The following DPYD variants were observed in gnomAD, a reference collection of about 807,000 sequenced individuals.
DPYD encodes the protein dihydropyrimidine dehydrogenase [NADP(+)].
A neutral mutation model predicts 116.2 loss-of-function variants in DPYD; 109 were observed. The ratio of observed to expected loss-of-function variants is 0.94; its 90% CI spans 0.80 to 1.10. The LOEUF (loss-of-function observed/expected upper bound fraction) is 1.10, where lower values mean the gene tolerates loss of function less well. Among genes scored for constraint, DPYD ranks in the 50% least tolerant of loss-of-function variants. The probability of loss-of-function intolerance (pLI) is 0.00; values close to 1 mark genes in which losing one functional copy is unlikely to be tolerated. For synonymous variants in DPYD, 440 were observed against 432.0 expected (o/e 1.02, Z -0.23); for missense variants, 1,302 against 1,254.5 (o/e 1.04, Z -0.57).
chr1:97,365,117 C>T (rs372337644), intron 16 of DPYD, among the ~76,000 whole-genome samples: 1 of 152,164 alleles, frequency 6.6e-6, no homozygotes, highest in Non-Finnish European at 1.5e-5. Flanking sequence ...TACTCTCAGC[C>T]GCTGAGTACT....
intron 8 of DPYD, among the ~76,000 whole-genome samples, chr1:97,612,798 A>C (rs1244908557): frequency 6.6e-6 from 1 of 151,962 alleles, no homozygotes; most frequent in Non-Finnish European, 1.5e-5. Context: ...CTCATCCTCT[A>C]TGCTGCCCCC....
intron 2 of DPYD, among the ~76,000 whole-genome samples, chr1:97,843,472 A>AC (rs985935942): frequency 1.6e-4 from 25 of 152,324 alleles, no homozygotes; most frequent in African/African-American, 4.3e-4. Flanking sequence ...CAAAGCCATC[A>AC]TCTATGGAGC....
chr1:97,723,798 A>G (rs189551992), intron 4 of DPYD, among the ~76,000 whole-genome samples: 48 of 151,806 alleles, frequency 3.2e-4, no homozygotes, highest in Admixed American at 2.0e-3. Context: ...CACACAGAGA[A>G]GAAAAATGTG....
At chr1:97,150,431 G>C (rs899778340) in intron 20 of DPYD, among the ~76,000 whole-genome samples, 10 of 152,100 alleles carry the variant, frequency 6.6e-5, no homozygotes, top group Non-Finnish European at 1.2e-4. Context: ...ATAAATGAAT[G>C]AATGAAAGCA....
intron 19 of DPYD, among the ~76,000 whole-genome samples, chr1:97,204,003 A>T (rs1303266319): frequency 6.6e-6 from 1 of 152,082 alleles, no homozygotes; most frequent in African/African-American, 2.4e-5. Flanking sequence ...ATTTTGACTG[A>T]GTTGCCAATA....
intron 4 of DPYD, among the ~76,000 whole-genome samples, chr1:97,724,269 G>C (rs887854736): frequency 9.1e-6 from 1 of 109,902 alleles, no homozygotes; most frequent in Non-Finnish European, 1.9e-5. Context: ...GTTCTCCAGA[G>C]ACACAGAAAG....
rs143154602 is a variant in DPYD, at chr1:97,593,289, G to A, written c.1057C>T (p.Arg353Cys). 5.0e-6 allele frequency: 8 copies of A among 1,613,958 alleles called. No homozygotes were observed. The highest frequency in any genetic ancestry group is 4.5e-5 in the East Asian group (2 of 44,878). Residue 353 changes from arginine to cysteine, a missense_variant, in exon 10 of 23, where the codon CGT becomes TGT. Arg to Cys is a radical substitution (Grantham distance 180, BLOSUM62 -3). Coordinates refer to ENST00000370192, the MANE Select transcript of DPYD (RefSeq NM_000110.4). ...ATGAACACACGGCGAGCTCCACAAC[G>A]TAGAGCAGATGTTGCACAGTCAAAG... ...TAFDCATSAL[R>C]CGARRVFIVF...
intron 1 of DPYD, among the ~76,000 whole-genome samples, chr1:97,886,658 A>G (rs1055108875): frequency 2.6e-5 from 4 of 152,188 alleles, no homozygotes; most frequent in Non-Finnish European, 4.4e-5. Flanking sequence ...GACACAAGCC[A>G]TAAGAACAGA....
chr1:97,749,638 T>C (rs1390059488), intron 3 of DPYD, among the ~76,000 whole-genome samples: 2 of 152,206 alleles, frequency 1.3e-5, no homozygotes. Flanking sequence ...ATGCATTTAG[T>C]TAACACGTAG....
chr1:97,485,605 C>T (rs754143575), intron 13 of DPYD, among the ~76,000 whole-genome samples: 1 of 150,960 alleles, frequency 6.6e-6, no homozygotes, highest in African/African-American at 2.4e-5. Context: ...TTCTCTTCAG[C>T]TATTTAATCA....
At chr1:97,188,540 A>C (rs1658153020) in intron 20 of DPYD, among the ~76,000 whole-genome samples, 1 of 152,178 alleles carries the variant, frequency 6.6e-6, no homozygotes, top group South Asian at 2.1e-4. Flanking sequence ...GCAGCACTGG[A>C]CAAGAAGATA....
chr1:97,231,371 A>C (rs918236608), intron 19 of DPYD, among the ~76,000 whole-genome samples: 18 of 152,148 alleles, frequency 1.2e-4, no homozygotes, highest in Non-Finnish European at 1.5e-4. Flanking sequence ...CACACCTAAG[A>C]CTGGGTAATT....
intron 8 of DPYD, among the ~76,000 whole-genome samples, chr1:97,636,061 T>C (rs1173349672): frequency 3.3e-5 from 5 of 152,084 alleles, no homozygotes; most frequent in Admixed American, 6.6e-5. Flanking sequence ...ACTCAAGCTA[T>C]CCACCCACCT....
At chr1:97,914,498 A>G (rs372278236) in intron 1 of DPYD, among the ~76,000 whole-genome samples, 1 of 152,142 alleles carries the variant, frequency 6.6e-6, no homozygotes, top group Non-Finnish European at 1.5e-5. Flanking sequence ...AATAATTTTC[A>G]CCTATGCATT....
At chr1:97,241,884 G>T (rs533238817) in intron 18 of DPYD, among the ~76,000 whole-genome samples, 2 of 151,524 alleles carry the variant, frequency 1.3e-5, no homozygotes, top group East Asian at 3.9e-4. Flanking sequence ...AGAGAAAATT[G>T]ATCAGAAAAA....
At chr1:97,118,829 A>C (rs1341765127) in intron 20 of DPYD, among the ~76,000 whole-genome samples, 1 of 136,560 alleles carries the variant, frequency 7.3e-6, no homozygotes, top group African/African-American at 2.6e-5. Context: ...CTTTCAAAAA[A>C]CTTGTTTGTT....
intron 1 of DPYD, among the ~76,000 whole-genome samples, chr1:97,888,146 A>T (rs1481460528): frequency 1.3e-5 from 2 of 152,230 alleles, no homozygotes; most frequent in African/African-American, 2.4e-5. Context: ...ATCCATATAC[A>T]GATATAAATC....
intron 20 of DPYD, among the ~76,000 whole-genome samples, chr1:97,135,304 C>T (rs773981304): frequency 1.3e-5 from 2 of 152,074 alleles, no homozygotes; most frequent in Non-Finnish European, 2.9e-5. Flanking sequence ...ATCCATGTAA[C>T]AAAATTTTCC....
intron 4 of DPYD, among the ~76,000 whole-genome samples, chr1:97,733,409 A>G (rs1365037653): frequency 6.6e-6 from 1 of 152,054 alleles, no homozygotes; most frequent in Non-Finnish European, 1.5e-5. Flanking sequence ...AAACTAAATT[A>G]CATCCTCCCC....
Sources: gnomAD v4.1 joint callset for allele counts (sites outside exome capture counted in the v4.1 genomes callset) on GRCh38, gnomAD v4.1.1 for gene constraint, MANE v1.5 for transcripts, NCBI Gene and HGNC (gene_info 2026-07-23, HGNC 2026-07-21) for gene names.